The following NLGN1 variants were observed in gnomAD, a reference collection of about 807,000 sequenced individuals.
NLGN1 encodes the protein neuroligin 1.
Under a neutral mutation model 65.5 loss-of-function variants are expected in NLGN1, and 12 were observed. The observed-to-expected ratio is 0.18, with a 90% CI of 0.12 to 0.30. The LOEUF (loss-of-function observed/expected upper bound fraction) is 0.30, where lower values mean the gene tolerates loss of function less well. NLGN1 is among the 10% of genes least tolerant of loss of function. The pLI, the probability that NLGN1 is intolerant of heterozygous loss-of-function variation, is 1.00. For missense variants in NLGN1, 750 were observed against 1,007.1 expected, an observed-to-expected ratio of 0.74 and a Z score of 3.46; for synonymous variants, 350 against 359.5, an observed-to-expected ratio of 0.97 and a Z score of 0.30.
chr3:174,144,621 G>GA (rs1367152842), intron 4 of NLGN1, among the ~76,000 whole-genome samples: 1 of 152,186 alleles, frequency 6.6e-6, no homozygotes, highest in Non-Finnish European at 1.5e-5. Flanking sequence ...GCTGGTGTGA[G>GA]ATGGTATCTC....
intron 4 of NLGN1, among the ~76,000 whole-genome samples, chr3:173,844,371 T>G (rs916655766): frequency 1.6e-4 from 24 of 152,300 alleles, no homozygotes; most frequent in African/African-American, 5.8e-4. Context: ...CTTATTTTGT[T>G]TTTATTTATT....
intron 4 of NLGN1, among the ~76,000 whole-genome samples, chr3:174,024,278 C>T (rs1248610710): frequency 6.6e-6 from 1 of 151,586 alleles, no homozygotes; most frequent in East Asian, 1.9e-4. Context: ...TAGGAGTTTG[C>T]AGACTAGTTA....
chr3:174,259,154 G>A (rs1468830617), intron 4 of NLGN1, among the ~76,000 whole-genome samples: 1 of 152,044 alleles, frequency 6.6e-6, no homozygotes, highest in Non-Finnish European at 1.5e-5. Flanking sequence ...AAATAATCTA[G>A]TCTAGCCAAC....
At chr3:174,022,710 T>TC (rs893611632) in intron 4 of NLGN1, among the ~76,000 whole-genome samples, 2 of 151,594 alleles carry the variant, frequency 1.3e-5, no homozygotes, top group African/African-American at 4.9e-5. Flanking sequence ...GCTCTAGATT[T>TC]TTTTTTCTGG....
At chr3:173,819,816 T>A (rs191281128) in intron 4 of NLGN1, among the ~76,000 whole-genome samples, 1 of 152,308 alleles carries the variant, frequency 6.6e-6, no homozygotes, top group African/African-American at 2.4e-5. Flanking sequence ...TAATCAAAAG[T>A]CATCAATAAA....
chr3:173,811,342 T>G (rs2150474054), intron 4 of NLGN1, among the ~76,000 whole-genome samples: 1 of 152,046 alleles, frequency 6.6e-6, no homozygotes, highest in Admixed American at 6.6e-5. Context: ...GGTGGGTGGA[T>G]GGCCTGAGGC....
intron 4 of NLGN1, among the ~76,000 whole-genome samples, chr3:173,834,356 A>G (rs1219335394): frequency 2.0e-5 from 3 of 151,896 alleles, no homozygotes; most frequent in Non-Finnish European, 4.4e-5. Flanking sequence ...TTCACGTTGT[A>G]TTTTTACTTT....
intron 4 of NLGN1, among the ~76,000 whole-genome samples, chr3:174,060,860 G>A (rs1386471069): frequency 6.6e-6 from 1 of 152,048 alleles, no homozygotes; most frequent in African/African-American, 2.4e-5. Flanking sequence ...TTCTAGAACT[G>A]AGATAGGACA....
intron 4 of NLGN1, among the ~76,000 whole-genome samples, chr3:174,079,055 A>G (rs1226898893): frequency 6.6e-6 from 1 of 152,084 alleles, no homozygotes; most frequent in Admixed American, 6.6e-5. Context: ...CTCAGATTGC[A>G]ACGTTAGTGC....
At chr3:174,171,259 T>G (rs547447837) in intron 4 of NLGN1, among the ~76,000 whole-genome samples, 47 of 152,280 alleles carry the variant, frequency 3.1e-4, no homozygotes, top group Middle Eastern at 3.4e-3. Flanking sequence ...ATTAGAGAAT[T>G]GTATGGAAAA....
At chr3:173,477,311 C>T (rs1032808445) in intron 2 of NLGN1, among the ~76,000 whole-genome samples, 1 of 151,988 alleles carries the variant, frequency 6.6e-6, no homozygotes, top group East Asian at 1.9e-4. Flanking sequence ...TAGGTTGAGG[C>T]GGGAGGATCC....
chr3:173,822,595 A>C (rs1438746800), intron 4 of NLGN1, among the ~76,000 whole-genome samples: 2 of 152,280 alleles, frequency 1.3e-5, no homozygotes, highest in East Asian at 3.9e-4. Context: ...CAAATATTCC[A>C]AAATCCAAAG....
chr3:173,451,463 C>G (rs925978394), intron 2 of NLGN1, among the ~76,000 whole-genome samples: 4 of 152,140 alleles, frequency 2.6e-5, no homozygotes, highest in African/African-American at 9.7e-5. Flanking sequence ...GGTGTCAGTC[C>G]GCCCCTAATG....
intron 3 of NLGN1, among the ~76,000 whole-genome samples, chr3:173,689,540 C>G (rs775099679): frequency 2.0e-5 from 3 of 152,124 alleles, no homozygotes; most frequent in African/African-American, 7.2e-5. Flanking sequence ...CAGTCTTTTC[C>G]TGTAGGCACT....
intron 3 of NLGN1, among the ~76,000 whole-genome samples, chr3:173,668,565 G>T (rs1233915343): frequency 6.6e-6 from 1 of 151,666 alleles, no homozygotes; most frequent in Non-Finnish European, 1.5e-5. Flanking sequence ...CAGTGTTGTG[G>T]CCATGGACAA....
At chr3:173,916,745 G>A (rs1015365883) in intron 4 of NLGN1, among the ~76,000 whole-genome samples, 4 of 152,128 alleles carry the variant, frequency 2.6e-5, no homozygotes, top group Non-Finnish European at 4.4e-5. Context: ...TAGGATGCGT[G>A]TTCTAGTTTA....
intron 3 of NLGN1, among the ~76,000 whole-genome samples, chr3:173,653,923 A>G (rs1200832944): frequency 6.6e-6 from 1 of 152,168 alleles, no homozygotes; most frequent in Non-Finnish European, 1.5e-5. Flanking sequence ...CCACATGAAC[A>G]GGAGCCAATT....
At chr3:174,244,339 C>A (rs1398388852) in intron 4 of NLGN1, among the ~76,000 whole-genome samples, 3 of 152,112 alleles carry the variant, frequency 2.0e-5, no homozygotes, top group Admixed American at 1.3e-4. Context: ...ACAAAATTTT[C>A]TGCATGATGC....
chr3:173,912,381 G>A (rs1739793656), intron 4 of NLGN1, among the ~76,000 whole-genome samples: 2 of 152,128 alleles, frequency 1.3e-5, no homozygotes, highest in South Asian at 4.1e-4. Flanking sequence ...TCAAATCCTG[G>A]TTCTGCCACT....
Sources: gnomAD v4.1 joint callset for allele counts (sites outside exome capture counted in the v4.1 genomes callset) on GRCh38, gnomAD v4.1.1 for gene constraint, MANE v1.5 for transcripts, NCBI Gene and HGNC (gene_info 2026-07-23, HGNC 2026-07-21) for gene names.